The following SMARCD1 variants were observed in gnomAD, a reference collection of about 807,000 sequenced individuals.
SMARCD1 encodes SWI/SNF-related matrix-associated actin-dependent regulator of chromatin subfamily D member 1.
Under a neutral mutation model 70.8 loss-of-function variants are expected in SMARCD1, and 16 were observed. That is an observed-to-expected ratio of 0.23 (90% CI 0.15 to 0.34). SMARCD1 has a LOEUF of 0.34. Ranked by LOEUF, SMARCD1 falls within the 10% of genes least tolerant of loss-of-function variation. SMARCD1 has a pLI of 1.00. For synonymous variants in SMARCD1, 249 were observed against 246.0 expected, an observed-to-expected ratio of 1.01 and a Z score of -0.11; for missense variants, 409 against 655.5, an observed-to-expected ratio of 0.62 and a Z score of 4.11.
chr12:50,090,821 CTTTTTTT>C (rs11443542), intron 9 of SMARCD1, among the ~76,000 whole-genome samples: 1 of 102,438 alleles, frequency 9.8e-6, no homozygotes, highest in South Asian at 3.4e-4. Flanking sequence ...TGTATTTGTG[CTTTTTTT>C]TTTTTTTTTT....
rs188291159 is a variant in SMARCD1 at position 50,091,703 on chromosome 12, C to T, written c.1133+1113C>T. Among the ~76,000 whole-genome samples the T allele has an allele frequency of 1.1e-3, 162 of 152,272 alleles. 1 individual carries two copies. The highest frequency in any genetic ancestry group is 3.6e-3 in the African/African-American group (151 of 41,550). ...GCAATTCTCCCTCCCCAGCCTCCCA[C>T]GTCGCTGGGATTACAGGCACCTGCT... is the stretch of plus-strand genomic sequence containing the variant. On this transcript the variant is annotated intron_variant, in intron 9 of 12. Transcript: ENST00000394963.
At chr12:50,097,506 C>CGT (rs1453698900) in intron 11 of SMARCD1, among the ~76,000 whole-genome samples, 5 of 151,384 alleles carry the variant, frequency 3.3e-5, no homozygotes, top group African/African-American at 1.2e-4. Flanking sequence ...GAGCCAAGAT[C>CGT]GTGCCGCTGC....
intron 2 of SMARCD1, 115 bp from the exon 3 acceptor site, chr12:50,086,503 GTTC>G: frequency 1.6e-6 from 2 of 1,228,448 alleles, no homozygotes; most frequent in Non-Finnish European, 2.3e-6. Context: ...GGTGGTGGTA[GTTC>G]TTTGAGAGAA....
chr12:50,096,950 A>G lies in SMARCD1; in HGVS notation c.1370A>G (p.Gln457Arg). ...CAGGGTTTCATCAATGACTGGCTTC[A>G]GTCCCAGTGCAGGGACCTCAAGGTA... The part of the protein sequence containing the change: ...DPQGFINDWL[Q>R]SQCRDLKTMT... The change falls in exon 11 of 13, where the codon CAG becomes CGG. Residue 457 changes from glutamine to arginine, a missense_variant. Coordinates refer to ENST00000394963, the MANE Select transcript of SMARCD1 (RefSeq NM_003076.5). The G allele has an allele frequency of 6.2e-7, 1 of 1,614,008 alleles. No homozygotes were observed. Among genetic ancestry groups the G allele is most frequent in the Non-Finnish European group, 8.5e-7 (1 of 1,179,882 alleles).
rs374919067 is a variant in SMARCD1, at chr12:50,087,498, T to G, written c.654+13T>G. ...GCTCCTGGAGGATGTGAGTTCAAGG[T>G]CCACAATGGTTGGCATCTAGGGTGG... On this transcript the variant is annotated intron_variant, in intron 5 of 12. Transcript: ENST00000394963. 8.7e-6 allele frequency: 14 copies of G among 1,612,650 alleles called. No homozygotes were observed. The highest frequency in any genetic ancestry group is 1.7e-5 in the Admixed American group (1 of 59,950).
rs1950927891 is a variant in SMARCD1 at position 50,100,228 on chromosome 12, C to G, written c.*1228C>G. The G allele has an allele frequency of 6.6e-6, 1 of 152,670 alleles. No individual in the cohort carries two copies. Among genetic ancestry groups the G allele is most frequent in the Non-Finnish European group, 1.5e-5 (1 of 68,100 alleles). The allele number at this position is 152,670 out of a possible 1,614,324, so 9.5% of individuals were successfully genotyped here. ...TTAGCATATCCCAGGCTCGCAGACT[C>G]AACACAGCAAGGGTGGGAGACAGCT... On this transcript the variant is annotated 3_prime_UTR_variant, in exon 13 of 13. Transcript: ENST00000394963.
chr12:50,097,764 G>T (rs1950905755), intron 11 of SMARCD1, among the ~76,000 whole-genome samples: 1 of 151,732 alleles, frequency 6.6e-6, no homozygotes, highest in African/African-American at 2.4e-5. Flanking sequence ...GGTGGCGGGT[G>T]CCTGTAATCC....
At chr12:50,086,538 A>T in intron 2 of SMARCD1, 83 bp from the exon 3 acceptor site, 1 of 1,396,766 alleles carries the variant, frequency 7.2e-7, no homozygotes, top group Non-Finnish European at 1.0e-6. Context: ...CCTTCACATT[A>T]CTATAAATGG....
In SMARCD1 at chr12:50,100,527, A is replaced by G. The variant is rs1431454138; in HGVS notation, c.*1527A>G. On this transcript the variant is annotated 3_prime_UTR_variant, in exon 13 of 13. Coordinates refer to ENST00000394963, the MANE Select transcript of SMARCD1 (RefSeq NM_003076.5). ...GAGAAGGAAGCTCAGTACTTCCCAC[A>G]GTGTCCCTGTTGATAACTGTTTTTA... is the stretch of plus-strand genomic sequence containing the variant. 6.6e-6 allele frequency: 1 copy of G among 152,656 alleles called. No homozygotes were observed. The highest frequency in any genetic ancestry group is 2.4e-5 in the African/African-American group (1 of 41,456). 9.5% of individuals were successfully genotyped at this position (152,656 alleles called of 1,614,324 possible). A position where few individuals can be genotyped will look rare whatever the true frequency, so the allele number is the denominator to read the frequency against.
chr12:50,093,287 C>G (rs1169207560), intron 9 of SMARCD1, among the ~76,000 whole-genome samples: 1 of 151,548 alleles, frequency 6.6e-6, no homozygotes, highest in African/African-American at 2.4e-5. Flanking sequence ...CTCCCAGGTT[C>G]AAGCAATTCT....
intron 9 of SMARCD1, 127 bp downstream of exon 9, chr12:50,090,717 C>T: frequency 1.8e-6 from 1 of 553,228 alleles, no homozygotes; most frequent in Non-Finnish European, 3.2e-6. Context: ...CTGTTACTTA[C>T]AATTAAATTA....
chr12:50,092,235 CTTTT>C (rs60619880), intron 9 of SMARCD1, among the ~76,000 whole-genome samples: 1 of 91,156 alleles, frequency 1.1e-5, no homozygotes, highest in Non-Finnish European at 2.0e-5. Context: ...TTCTTTCTTT[CTTTT>C]TTTTTTTTTT....
intron 1 of SMARCD1, 35 bp downstream of exon 1, chr12:50,085,581 G>T (rs1305479946): frequency 4.1e-6 from 5 of 1,224,362 alleles, no homozygotes; most frequent in Non-Finnish European, 5.1e-6. Flanking sequence ...CGCGGGCCGG[G>T]GGCGGGGCCG....
intron 1 of SMARCD1, chr12:50,085,865 A>C: frequency 2.6e-6 from 1 of 389,396 alleles, no homozygotes. Context: ...TAGCTGACAA[A>C]TTGAGGTCAG....
rs773015164 is a variant in SMARCD1, at chr12:50,090,282, G to C, written c.915G>C (p.Leu305=). 9.9e-6 allele frequency: 16 copies of C among 1,613,842 alleles called. No homozygotes were observed. The highest frequency in any genetic ancestry group is 1.4e-5 in the Non-Finnish European group (16 of 1,179,974). ...TAGACCCCCGCCTAGCTCGACTCCTGGGCATCCATACCCAGACTCGTCCAG... is the reference window on the plus strand; with the variant it reads ...TAGACCCCCGCCTAGCTCGACTCCTCGGCATCCATACCCAGACTCGTCCAG... ...FKLDPRLARL[L]GIHTQTRPVI... is the part of the protein sequence containing the mutation. Residue 305 remains leucine (L), a synonymous_variant, in exon 8 of 13, where the codon CTG becomes CTC. Transcript: ENST00000394963.
intron 9 of SMARCD1, among the ~76,000 whole-genome samples, chr12:50,093,718 GCAGTCCTC>G (rs1201840718): frequency 1.3e-3 from 194 of 152,232 alleles, no homozygotes; most frequent in Middle Eastern, 0.01. Flanking sequence ...GTGGGCTCAA[GCAGTCCTC>G]TTACCTGAGC....
intron 3 of SMARCD1, 39 bp downstream of exon 3, chr12:50,086,702 G>A (rs375867329): frequency 2.5e-6 from 4 of 1,613,982 alleles, no homozygotes; most frequent in Non-Finnish European, 3.4e-6. Flanking sequence ...AGTGTGGTGA[G>A]TTTGAGTATA....
At chr12:50,091,567 G>C (rs1592290206) in intron 9 of SMARCD1, among the ~76,000 whole-genome samples, 1 of 151,916 alleles carries the variant, frequency 6.6e-6, no homozygotes, top group South Asian at 2.1e-4. Flanking sequence ...GAGCCACCGC[G>C]CCCGGCCTTT....
intron 1 of SMARCD1, chr12:50,085,917 G>T (rs1021681991): frequency 2.0e-5 from 8 of 400,526 alleles, no homozygotes; most frequent in Middle Eastern, 6.3e-4. Context: ...TGTGGAACTG[G>T]CGATGTCCGA....
Sources: allele counts gnomAD v4.1 joint callset (sites outside exome capture counted in the v4.1 genomes callset), GRCh38; gene constraint gnomAD v4.1.1; transcripts MANE v1.5; gene names NCBI Gene and HGNC (gene_info 2026-07-23, HGNC 2026-07-21).